The following TAF13 variants were observed in gnomAD, a reference collection of about 807,000 sequenced individuals.
The protein encoded by TAF13 is transcription initiation factor TFIID subunit 13.
Under a neutral mutation model 18.7 loss-of-function variants are expected in TAF13, and 9 were observed. The observed-to-expected ratio is 0.48, with a 90% CI of 0.29 to 0.84. TAF13 has a LOEUF of 0.84. Among genes scored for constraint, TAF13 ranks in the 40% least tolerant of loss-of-function variants. The pLI, the probability that TAF13 is intolerant of heterozygous loss-of-function variation, is 0.08. For synonymous variants in TAF13, 49 were observed against 44.1 expected, an observed-to-expected ratio of 1.11 and a Z score of -0.44; for missense variants, 105 against 146.5, an observed-to-expected ratio of 0.72 and a Z score of 1.46.
chr1:109,064,192 A>C lies in TAF13; in HGVS notation c.*331T>G. On this transcript the variant is annotated 3_prime_UTR_variant, in exon 4 of 4. Transcript: ENST00000338366. ...AAAAAAAAAAAAAAAGCTACAGTAT[A>C]GCTTACAAGGGCATAAACATACCTA... 6.8e-6 allele frequency: 1 copy of C among 147,042 alleles called. No homozygotes were observed. Among genetic ancestry groups the C allele is most frequent in the South Asian group, 2.3e-4 (1 of 4,376 alleles). 9.1% of individuals were successfully genotyped at this position (147,042 alleles called of 1,614,324 possible). A position where few individuals can be genotyped will look rare whatever the true frequency, so the allele number is the denominator to read the frequency against.
At position 109,064,631 on chromosome 1, in the gene TAF13, CAAG is replaced by C. The variant is rs766589450; in HGVS notation, c.264_266del (p.Phe88del). On this transcript the variant is annotated inframe_deletion, in exon 4 of 4. Coordinates refer to ENST00000338366, the MANE Select transcript of TAF13 (RefSeq NM_005645.4). ...CAAACTTCCTTGGGTCCTTTCGAAT[CAAG>C]AAGACGATATCTTCAACTTGTACTC... The C allele has an allele frequency of 5.7e-6, 9 of 1,575,978 alleles. No individual in the cohort carries two copies. The highest frequency in any genetic ancestry group is 4.7e-5 in the East Asian group (2 of 42,518).
At chr1:109,064,769 G>A in intron 3 of TAF13, 76 bp from the exon 4 acceptor site, 12 of 1,204,884 alleles carry the variant, frequency 1.0e-5, no homozygotes, top group Non-Finnish European at 1.3e-5. Flanking sequence ...TTTATTAATT[G>A]CAAGTGAGGT....
chr1:109,066,366 T>C (rs867938936), intron 2 of TAF13, 134 bp from the exon 3 acceptor site: 1 of 685,208 alleles, frequency 1.5e-6, no homozygotes, highest in South Asian at 2.1e-5. Flanking sequence ...GTATTTGTTA[T>C]CTCCAAGTAT....
intron 2 of TAF13, among the ~76,000 whole-genome samples, chr1:109,074,742 T>C (rs956650902): frequency 1.7e-4 from 26 of 149,966 alleles, no homozygotes; most frequent in Non-Finnish European, 3.0e-4. Flanking sequence ...ATTGCGCCAC[T>C]GCACTCCAGC....
chr1:109,075,452 G>A (rs143710739), intron 1 of TAF13, among the ~76,000 whole-genome samples: 2 of 152,272 alleles, frequency 1.3e-5, no homozygotes, highest in African/African-American at 4.8e-5. Context: ...TGCTTATACA[G>A]TGCTAAAAAC....
At chr1:109,073,512 G>A (rs1664115429) in intron 2 of TAF13, among the ~76,000 whole-genome samples, 1 of 152,168 alleles carries the variant, frequency 6.6e-6, no homozygotes, top group African/African-American at 2.4e-5. Flanking sequence ...GACTACAGGC[G>A]TGCGCCGCCA....
intron 2 of TAF13, among the ~76,000 whole-genome samples, chr1:109,071,431 G>T (rs1467887822): frequency 1.3e-5 from 2 of 149,306 alleles, no homozygotes; most frequent in African/African-American, 2.5e-5. Flanking sequence ...ACAGAGCAAG[G>T]CTCCATCTCA....
chr1:109,067,227 G>A (rs1433759364), intron 2 of TAF13, among the ~76,000 whole-genome samples: 1 of 152,120 alleles, frequency 6.6e-6, no homozygotes, highest in African/African-American at 2.4e-5. Context: ...GGAGGCCCAG[G>A]CAAGTAGACT....
chr1:109,071,577 T>C (rs1204756681), intron 2 of TAF13, among the ~76,000 whole-genome samples: 2 of 151,876 alleles, frequency 1.3e-5, no homozygotes, highest in African/African-American at 4.8e-5. Flanking sequence ...GCCACTGTAC[T>C]CCAGCCCCAG....
At chr1:109,071,985 TATATATATATATATATATATATATATATA>T (rs1664069663) in intron 2 of TAF13, among the ~76,000 whole-genome samples, 1 of 14,626 alleles carries the variant, frequency 6.8e-5, no homozygotes, top group Non-Finnish European at 1.5e-4. Context: ...TACACACATA[TATATATATATATATATATATATATATATA>T]CACACACATA....
rs1663948064 is a variant in TAF13, at chr1:109,066,170, GA to G, written c.168del (p.Glu58LysfsTer5). ...ATAAACTCTATGACAAGATCTTCAA[GA>G]ATATCCACTGACTCAGTATAAGGAT... ...DQNPYTESVDILEDLVIEFIT... is the reference protein window; with the variant it reads ...DQNPYTESVDXLEDLVIEFIT... On this transcript the variant is annotated frameshift_variant, in exon 3 of 4. Transcript: ENST00000338366. LOFTEE classifies it high-confidence loss of function. 1 of 1,612,980 alleles carries G rather than the reference GA, an allele frequency of 6.2e-7. No individual in the cohort carries two copies. The highest frequency in any genetic ancestry group is 8.5e-7 in the Non-Finnish European group (1 of 1,179,698).
At chr1:109,073,367 G>A (rs1467941522) in intron 2 of TAF13, among the ~76,000 whole-genome samples, 1 of 151,612 alleles carries the variant, frequency 6.6e-6, no homozygotes. Flanking sequence ...GTGAAACCCC[G>A]TCTCTACAAA....
chr1:109,075,943 G>A lies in TAF13; in HGVS notation c.5C>T (p.Ala2Val), dbSNP rs1664170441. The change falls in exon 1 of 4, where the codon GCA (alanine) becomes GTA (valine). Residue 2 changes from alanine to valine, a missense_variant. Physicochemically the swap from Ala to Val is moderately conservative, Grantham distance 64 (BLOSUM62 0). Coordinates refer to ENST00000338366, the MANE Select transcript of TAF13 (RefSeq NM_005645.4). ...CACCGTGGGGTCTTCTTCCTCATCT[G>A]CCATCCCACTAGCACGCCAACTCAC... M[A>V]DEEEDPTFEE... 1.2e-6 allele frequency: 2 copies of A among 1,614,204 alleles called. No homozygotes were observed. The highest frequency in any genetic ancestry group is 1.7e-5 in the Admixed American group (1 of 60,020).
chr1:109,070,697 C>G (rs1265500656), intron 2 of TAF13, among the ~76,000 whole-genome samples: 1 of 150,670 alleles, frequency 6.6e-6, no homozygotes, highest in Non-Finnish European at 1.5e-5. Context: ...CCCAGTCCCC[C>G]CCAAATTTTT....
intron 2 of TAF13, among the ~76,000 whole-genome samples, chr1:109,067,520 G>A (rs1467260704): frequency 6.6e-6 from 1 of 152,036 alleles, no homozygotes; most frequent in Non-Finnish European, 1.5e-5. Context: ...TGAGGCATGA[G>A]AATCGCTTGA....
chr1:109,064,675 T>C lies in TAF13; in HGVS notation c.223A>G (p.Ile75Val), dbSNP rs377698127. 2 of 1,526,598 alleles carry C rather than the reference T, an allele frequency of 1.3e-6. No individual in the cohort carries two copies. Among genetic ancestry groups the C allele is most frequent in the Admixed American group, 2.1e-5 (1 of 47,192 alleles). 94.6% of individuals were successfully genotyped at this position (1,526,598 alleles called of 1,614,324 possible). ...ITEMTHKAMS[I>V]GRQGRVQVED... ...ACTTGTACTCGACCTTGTCTTCCAA[T>C]TGACATTGCCTTGTGAGTCTATTAC... Residue 75 changes from isoleucine to valine, a missense_variant, in exon 4 of 4, where the codon ATT becomes GTT. Transcript: ENST00000338366.
At chr1:109,073,409 C>T (rs1405784471) in intron 2 of TAF13, among the ~76,000 whole-genome samples, 1 of 152,148 alleles carries the variant, frequency 6.6e-6, no homozygotes, top group African/African-American at 2.4e-5. Context: ...TCCCCCTCCC[C>T]CTCGTCTGCG....
chr1:109,075,975 C>G lies in TAF13; in HGVS notation c.-28G>C. 6.2e-7 allele frequency: 1 copy of G among 1,614,220 alleles called. No homozygotes were observed. Among genetic ancestry groups the G allele is most frequent in the Non-Finnish European group, 8.5e-7 (1 of 1,180,044 alleles). On this transcript the variant is annotated 5_prime_UTR_variant, in exon 1 of 4. Transcript: ENST00000338366. ...CACTAGCACGCCAACTCACAGCGTC[C>G]TGCCGGCTGGCTCCCAGCTGGTTAC...
chr1:109,073,630 G>A (rs764873105), intron 2 of TAF13, among the ~76,000 whole-genome samples: 8 of 152,198 alleles, frequency 5.3e-5, no homozygotes, highest in Non-Finnish European at 1.2e-4. Context: ...GCCTCCCGAG[G>A]TGCCGGGATT....
Sources: gnomAD v4.1 joint callset for allele counts (sites outside exome capture counted in the v4.1 genomes callset) on GRCh38, gnomAD v4.1.1 for gene constraint, MANE v1.5 for transcripts, NCBI Gene and HGNC (gene_info 2026-07-23, HGNC 2026-07-21) for gene names.